Variants in RGS7 observed in about 807,000 individuals in gnomAD.
RGS7 encodes the protein regulator of G protein signaling 7, also known as regulator of G-protein signaling 7.
In RGS7, 27 loss-of-function variants were observed where a neutral mutation model predicts 81.1. The ratio of observed to expected loss-of-function variants is 0.33; its 90% confidence interval spans 0.25 to 0.46. The LOEUF (loss-of-function observed/expected upper bound fraction) is 0.46. Ranked by LOEUF, RGS7 falls within the 20% of genes least tolerant of loss-of-function variation. The probability of loss-of-function intolerance (pLI) is 1.00; values close to 1 mark genes in which losing one functional copy is unlikely to be tolerated. For missense variants in RGS7, 396 were observed against 607.4 expected, an observed-to-expected ratio of 0.65 and a Z score of 3.66; for synonymous variants, 208 against 207.7, an observed-to-expected ratio of 1.00 and a Z score of -0.01.
intron 2 of RGS7, among the ~76,000 whole-genome samples, chr1:241,203,455 C>A (rs1008288762): frequency 3.3e-5 from 5 of 152,124 alleles, no homozygotes; most frequent in African/African-American, 1.2e-4. Flanking sequence ...TGGTCTCGAT[C>A]TCCTGACCTT....
intron 3 of RGS7, among the ~76,000 whole-genome samples, chr1:241,066,156 T>A (rs750693869): frequency 2.0e-5 from 3 of 152,206 alleles, no homozygotes; most frequent in Non-Finnish European, 2.9e-5. Flanking sequence ...ATTATGGAAT[T>A]TTGATTTGAT....
At chr1:241,269,686 C>A (rs911907565) in intron 2 of RGS7, among the ~76,000 whole-genome samples, 1 of 152,182 alleles carries the variant, frequency 6.6e-6, no homozygotes, top group Non-Finnish European at 1.5e-5. Flanking sequence ...AAAGGTGATT[C>A]CACTGATGAG....
chr1:240,821,016 A>G (rs575877654), intron 10 of RGS7, among the ~76,000 whole-genome samples: 31 of 152,272 alleles, frequency 2.0e-4, no homozygotes, highest in Middle Eastern at 3.4e-3. Context: ...ACCATATCTG[A>G]CACAATATGG....
intron 2 of RGS7, among the ~76,000 whole-genome samples, chr1:241,274,934 A>C (rs1573464521): frequency 6.6e-6 from 1 of 152,228 alleles, no homozygotes; most frequent in East Asian, 1.9e-4. Context: ...ATATTTCCTT[A>C]TCCAGGACGG....
At chr1:240,956,602 A>G (rs1680470822) in intron 4 of RGS7, among the ~76,000 whole-genome samples, 1 of 152,166 alleles carries the variant, frequency 6.6e-6, no homozygotes, top group African/African-American at 2.4e-5. Context: ...AGGGAAAAAT[A>G]TGAGTCACTT....
chr1:241,282,758 G>T (rs1414345488), intron 2 of RGS7, among the ~76,000 whole-genome samples: 1 of 151,956 alleles, frequency 6.6e-6, no homozygotes, highest in Non-Finnish European at 1.5e-5. Context: ...AGTTTCTTGA[G>T]AGTTTTTTAT....
chr1:241,243,110 C>G (rs537585688), intron 2 of RGS7, among the ~76,000 whole-genome samples: 2 of 152,142 alleles, frequency 1.3e-5, no homozygotes, highest in Non-Finnish European at 2.9e-5. Context: ...TTCTCTAGAA[C>G]GTGAATTAAC....
At chr1:240,962,507 C>A (rs1197732658) in intron 4 of RGS7, among the ~76,000 whole-genome samples, 2 of 152,120 alleles carry the variant, frequency 1.3e-5, no homozygotes, top group Non-Finnish European at 2.9e-5. Flanking sequence ...TGTAGGAGAA[C>A]AAAACCCACT....
chr1:240,947,176 G>C lies in RGS7; in HGVS notation c.227-10470C>G, dbSNP rs140301995. Among the ~76,000 whole-genome samples the C allele has an allele frequency of 2.3e-4, 35 of 152,266 alleles. 1 individual carries two copies. The East Asian group carries it at 6.8e-3, about 29-fold the overall frequency. Reference sequence around the variant, plus strand: ...CAATGGTTATGAGGCTGGCCTTTGAGCCAGACTGCCCTGGCCCCGTTGCAT... The same window carrying C: ...CAATGGTTATGAGGCTGGCCTTTGACCCAGACTGCCCTGGCCCCGTTGCAT... On this transcript the variant is annotated intron_variant, in intron 4 of 18. Transcript: ENST00000440928.
chr1:241,047,173 A>T (rs2060977918), intron 3 of RGS7, among the ~76,000 whole-genome samples: 1 of 152,170 alleles, frequency 6.6e-6, no homozygotes, highest in Non-Finnish European at 1.5e-5. Context: ...TTTGCACTGA[A>T]TCCACGTATC....
At chr1:241,012,764 C>G (rs1159724956) in intron 3 of RGS7, among the ~76,000 whole-genome samples, 1 of 152,110 alleles carries the variant, frequency 6.6e-6, no homozygotes, top group Non-Finnish European at 1.5e-5. Context: ...CTCTCTGAGT[C>G]CCCCTTAACC....
At chr1:241,093,557 T>G (rs2064035743) in intron 3 of RGS7, among the ~76,000 whole-genome samples, 1 of 152,024 alleles carries the variant, frequency 6.6e-6, no homozygotes, top group African/African-American at 2.4e-5. Flanking sequence ...CAGACACCAA[T>G]CCCATATTTT....
At chr1:240,790,939 G>T (rs1028073101) in intron 18 of RGS7, among the ~76,000 whole-genome samples, 15 of 152,268 alleles carry the variant, frequency 9.9e-5, no homozygotes, top group African/African-American at 3.4e-4. Flanking sequence ...ATTCTTGTTA[G>T]ATATTAATAT....
chr1:240,868,519 G>T lies in RGS7; in HGVS notation c.609+68C>A. On this transcript the variant is annotated intron_variant, in intron 9 of 18. Coordinates refer to ENST00000440928, the MANE Select transcript of RGS7 (RefSeq NM_001364886.1). The surrounding 1 kb of genome is among the most constrained non-coding windows in gnomAD (Gnocchi z 5.1). ...TCACTACAGTCTTTCACTTACTTTG[G>T]CAGGGCACCCCTCACTTCCCACAGA... The T allele has an allele frequency of 7.3e-7, 1 of 1,370,470 alleles. No individual in the cohort carries two copies. The highest frequency in any genetic ancestry group is 1.0e-6 in the Non-Finnish European group (1 of 959,816). The allele number at this position is 1,370,470 out of a possible 1,614,324, so 84.9% of individuals were successfully genotyped here.
intron 4 of RGS7, among the ~76,000 whole-genome samples, chr1:240,976,768 TATC>T (rs879810601): frequency 3.1e-3 from 431 of 139,960 alleles, no homozygotes; most frequent in Non-Finnish European, 5.3e-3. Context: ...TCTATCTATC[TATC>T]ATCGATCTAT....
chr1:240,916,453 G>C (rs1365675362), intron 6 of RGS7, among the ~76,000 whole-genome samples: 4 of 152,124 alleles, frequency 2.6e-5, no homozygotes, highest in Admixed American at 2.6e-4. Context: ...CCAAGTTAAT[G>C]ACAGATATTG....
chr1:240,907,018 A>G (rs1430293498), intron 6 of RGS7, among the ~76,000 whole-genome samples: 2 of 152,186 alleles, frequency 1.3e-5, no homozygotes, highest in Non-Finnish European at 2.9e-5. Context: ...TGTATTCTAA[A>G]CTTGGCCAGG....
In RGS7 at chr1:241,144,253, G is replaced by A. The variant is rs937638211; in HGVS notation, c.79-45491C>T. On this transcript the variant is annotated intron_variant, in intron 2 of 18. Transcript: ENST00000440928. This position sits in a 1 kb window ranked among gnomAD's most constrained non-coding sequence, Gnocchi z 4.7. ...TCCTCATCCAAATTGACATACATGTGCTGGCGCATATGTTGTTTATTTCTC... is the reference window on the plus strand; with the variant it reads ...TCCTCATCCAAATTGACATACATGTACTGGCGCATATGTTGTTTATTTCTC... 6.6e-6 allele frequency among the ~76,000 whole-genome samples: 1 copy of A among 152,088 alleles called. No homozygotes were observed. Among genetic ancestry groups the A allele is most frequent in the Non-Finnish European group, 1.5e-5 (1 of 68,024 alleles).
At chr1:241,151,427 A>C (rs2068740368) in intron 2 of RGS7, among the ~76,000 whole-genome samples, 2 of 152,078 alleles carry the variant, frequency 1.3e-5, no homozygotes, top group Admixed American at 1.3e-4. Flanking sequence ...AAGGAAAATG[A>C]AGGGGTGCCA....
Sources: allele counts gnomAD v4.1 joint callset (sites outside exome capture counted in the v4.1 genomes callset), GRCh38; gene constraint gnomAD v4.1.1; non-coding constraint Gnocchi (gnomAD v3.1); transcripts MANE v1.5; gene names NCBI Gene and HGNC (gene_info 2026-07-23, HGNC 2026-07-21).